The following ZNF597 variants were observed in gnomAD, a reference collection of about 807,000 sequenced individuals.
ZNF597 encodes the protein zinc finger protein 597.
ZNF597 carries 5 observed loss-of-function variants against 7.3 expected under a neutral mutation model. The ratio of observed to expected loss-of-function variants is 0.68; its 90% CI spans 0.36 to 1.44. ZNF597 has a LOEUF of 1.44. Among genes scored for constraint, ZNF597 ranks in the 40% most tolerant of loss-of-function variants. The pLI is 0.04. For synonymous variants in ZNF597, 209 were observed against 185.4 expected, an observed-to-expected ratio of 1.13 and a Z score of -1.04; for missense variants, 585 against 517.9, an observed-to-expected ratio of 1.13 and a Z score of -1.26.
rs1246776520 is a variant in ZNF597 at position 3,436,955 on chromosome 16, A to G, written c.744T>C (p.Gly248=). The G allele has an allele frequency of 6.2e-7, 1 of 1,613,900 alleles. No homozygotes were observed. The highest frequency in any genetic ancestry group is 8.5e-7 in the Non-Finnish European group (1 of 1,179,978). The change falls in exon 4 of 4, where the codon GGT becomes GGC. Residue 248 remains glycine, a synonymous_variant. Transcript: ENST00000301744. ...GTGCCAATCCTGGGAGCCACATAAA[A>G]CCTCTACCACATATGCTACATGTAT... The part of the protein sequence containing the change: ...KPYTCSICGR[G]FMWLPGLAQH...
chr16:3,436,168 C>A lies in ZNF597; in HGVS notation c.*256G>T, dbSNP rs571777264. 2 of 394,170 alleles carry A rather than the reference C, an allele frequency of 5.1e-6. No homozygotes were observed. Among genetic ancestry groups the A allele is most frequent in the South Asian group, 7.3e-5 (1 of 13,626 alleles). The allele number at this position is 394,170 out of a possible 1,614,324, so 24.4% of individuals were successfully genotyped here. The stretch of plus-strand genomic sequence containing the variant: ...TTGAATTTAAACAAAAGTTGTGTAT[C>A]TTCTTCTGGCTCACAGTTGTACAGT... On this transcript the variant is annotated 3_prime_UTR_variant, in exon 4 of 4. Transcript: ENST00000301744.
In ZNF597 at chr16:3,437,538, C is replaced by A. The variant is rs756952206; in HGVS notation, c.161G>T (p.Gly54Val). Residue 54 changes from glycine (G) to valine (V), a missense_variant and splice_region_variant, in exon 4 of 4, where the codon GGA (glycine) becomes GTA (valine). Physicochemically the swap from Gly to Val is moderately radical, Grantham distance 109. Transcript: ENST00000301744. Reference protein sequence around the residue: ...KESLEDAALMGEEGKPEINQQ... With the variant: ...KESLEDAALMVEEGKPEINQQ... ...ATTAATCTCAGGCTTGCCTTCCTCT[C>A]CTGTTGATAAAAACAAAAGAAAGCA... The A allele has an allele frequency of 6.3e-7, 1 of 1,582,328 alleles. No individual in the cohort carries two copies. The highest frequency in any genetic ancestry group is 8.6e-7 in the Non-Finnish European group (1 of 1,168,396).
intron 2 of ZNF597, among the ~76,000 whole-genome samples, chr16:3,441,757 TCAAAAA>T (rs931317791): frequency 6.6e-5 from 9 of 136,146 alleles, no homozygotes; most frequent in Middle Eastern, 4.5e-3. Flanking sequence ...ACACTCCATC[TCAAAAA>T]CAAAAACAAA....
chr16:3,440,688 C>T, intron 3 of ZNF597, 119 bp downstream of exon 3: 2 of 1,300,344 alleles, frequency 1.5e-6, no homozygotes, highest in East Asian at 2.4e-5. Context: ...CAATTATCAC[C>T]TCCACATAAA....
chr16:3,440,176 T>G (rs1222754671), intron 3 of ZNF597, among the ~76,000 whole-genome samples: 1 of 152,212 alleles, frequency 6.6e-6, no homozygotes, highest in Non-Finnish European at 1.5e-5. Flanking sequence ...TAGCACCCCT[T>G]AAGAGTAAAT....
At chr16:3,437,833 A>G (rs1352546396) in intron 3 of ZNF597, among the ~76,000 whole-genome samples, 1 of 152,232 alleles carries the variant, frequency 6.6e-6, no homozygotes, top group East Asian at 1.9e-4. Context: ...GAACTTTTCC[A>G]TCTAATCTAT....
intron 2 of ZNF597, among the ~76,000 whole-genome samples, chr16:3,441,176 A>G (rs1400262226): frequency 1.3e-5 from 2 of 152,214 alleles, no homozygotes; most frequent in African/African-American, 4.8e-5. Flanking sequence ...TGTGAGAATT[A>G]TTGTCTATCT....
chr16:3,437,138 A>G lies in ZNF597; in HGVS notation c.561T>C (p.Gly187=). 1 of 1,614,118 alleles carries G rather than the reference A, an allele frequency of 6.2e-7. No individual in the cohort carries two copies. The highest frequency in any genetic ancestry group is 8.5e-7 in the Non-Finnish European group (1 of 1,179,998). ...TATGATTGAAGATCTTTCCACAGTC[A>G]CCACATTTATGTTTTTTCTCTCCTG... ...IHSGEKKHKC[G]DCGKIFNHRA... is the part of the protein sequence containing the mutation. The change falls in exon 4 of 4, where the codon GGT becomes GGC. Residue 187 remains glycine, a synonymous_variant. Coordinates refer to ENST00000301744, the MANE Select transcript of ZNF597 (RefSeq NM_152457.3).
intron 2 of ZNF597, 104 bp downstream of exon 2, chr16:3,443,017 G>C: frequency 7.2e-7 from 1 of 1,388,438 alleles, no homozygotes; most frequent in South Asian, 1.2e-5. Flanking sequence ...GGGCTCAGGA[G>C]CACTCCTACC....
intron 3 of ZNF597, among the ~76,000 whole-genome samples, chr16:3,438,401 A>AG (rs1374323364): frequency 6.6e-6 from 1 of 151,820 alleles, no homozygotes; most frequent in African/African-American, 2.4e-5. Flanking sequence ...CTACTAAAAA[A>AG]AAATACAGAA....
At chr16:3,443,042 C>T in intron 2 of ZNF597, 79 bp downstream of exon 2, 2 of 1,566,294 alleles carry the variant, frequency 1.3e-6, no homozygotes, top group African/African-American at 1.4e-5. Context: ...CAGGCATGCC[C>T]AACTCTCCTC....
chr16:3,443,288 T>C (rs34496784), intron 1 of ZNF597, 72 bp downstream of exon 1: 203,861 of 858,802 alleles, frequency 0.24, 25,484 homozygotes, highest in African/African-American at 0.35. Flanking sequence ...CTCGATTCCC[T>C]CCGAACCCCC....
chr16:3,437,684 G>C (rs2034320117), intron 3 of ZNF597, 146 bp from the exon 4 acceptor site: 4 of 1,316,008 alleles, frequency 3.0e-6, no homozygotes, highest in South Asian at 3.3e-5. Flanking sequence ...ACAAAATCAG[G>C]ACCAAGCAGA....
At chr16:3,440,979 C>T (rs2034362246) in intron 2 of ZNF597, 46 bp from the exon 3 acceptor site, 20 of 1,595,698 alleles carry the variant, frequency 1.3e-5, no homozygotes, top group African/African-American at 2.7e-5. Flanking sequence ...GGAGGGTCAG[C>T]CCCTCACTTA....
chr16:3,441,066 A>G, intron 2 of ZNF597, 133 bp from the exon 3 acceptor site: 1 of 1,263,842 alleles, frequency 7.9e-7, no homozygotes, highest in Non-Finnish European at 1.1e-6. Context: ...TCTTGAGCGC[A>G]GAAGTAGGGC....
chr16:3,436,351 A>G lies in ZNF597; in HGVS notation c.*73T>C. The G allele has an allele frequency of 7.0e-7, 1 of 1,422,548 alleles. No homozygotes were observed. Among genetic ancestry groups the G allele is most frequent in the Non-Finnish European group, 9.6e-7 (1 of 1,040,722 alleles). 88.1% of individuals were successfully genotyped at this position (1,422,548 alleles called of 1,614,324 possible). A position where few individuals can be genotyped will look rare whatever the true frequency, so the allele number is the denominator to read the frequency against. ...AAGTGCTTAGCACATTGCCTGGGAC[A>G]TATACAGTAACTGCTTCCCACCATA... On this transcript the variant is annotated 3_prime_UTR_variant, in exon 4 of 4. Transcript: ENST00000301744.
chr16:3,440,734 A>G (rs1339583359), intron 3 of ZNF597, 73 bp downstream of exon 3: 1 of 1,582,898 alleles, frequency 6.3e-7, no homozygotes, highest in Non-Finnish European at 8.6e-7. Context: ...CCATACCAAC[A>G]TCTGGATAAA....
chr16:3,440,037 C>A (rs1311974356), intron 3 of ZNF597, among the ~76,000 whole-genome samples: 1 of 152,048 alleles, frequency 6.6e-6, no homozygotes. Context: ...TTGAGTATCT[C>A]AACTATTCCA....
chr16:3,440,747 A>G, intron 3 of ZNF597, 60 bp downstream of exon 3: 1 of 1,601,018 alleles, frequency 6.2e-7, no homozygotes, highest in Non-Finnish European at 8.5e-7. Context: ...TGGATAAAGC[A>G]TGAAGTTCTC....
Sources: gnomAD v4.1 joint callset for allele counts (sites outside exome capture counted in the v4.1 genomes callset) on GRCh38, gnomAD v4.1.1 for gene constraint, MANE v1.5 for transcripts, NCBI Gene and HGNC (gene_info 2026-07-23, HGNC 2026-07-21) for gene names.